Variants in CASP6 observed in about 807,000 individuals in gnomAD.
CASP6 encodes caspase-6.
Under a neutral mutation model 31.8 loss-of-function variants are expected in CASP6, and 20 were observed. The observed-to-expected ratio is 0.63, with a 90% CI of 0.44 to 0.91. The LOEUF is 0.91. CASP6 is among the 40% of genes least tolerant of loss of function. The probability of loss-of-function intolerance (pLI) is 0.00; values close to 1 mark genes in which losing one functional copy is unlikely to be tolerated. For synonymous variants in CASP6, 130 were observed against 127.8 expected, an observed-to-expected ratio of 1.02 and a Z score of -0.12; for missense variants, 328 against 361.1, an observed-to-expected ratio of 0.91 and a Z score of 0.74.
At chr4:109,686,555 A>G (rs1253174585), downstream of CASP6, among the ~76,000 whole-genome samples, 1 of 152,246 alleles carries the variant, frequency 6.6e-6, no homozygotes, top group Non-Finnish European at 1.5e-5. Context: ...TGAGAAGGCT[A>G]AGGAATGTTC....
At chr4:109,698,641 C>A (rs749311011) in intron 1 of CASP6, among the ~76,000 whole-genome samples, 1 of 152,194 alleles carries the variant, frequency 6.6e-6, no homozygotes, top group Admixed American at 6.5e-5. Flanking sequence ...AGTAACAGTT[C>A]TGTGATTACG....
chr4:109,689,356 G>A lies in CASP6; in HGVS notation c.856C>T (p.Leu286=), dbSNP rs202172975. 5.6e-6 allele frequency: 9 copies of A among 1,614,076 alleles called. No homozygotes were observed. The highest frequency in any genetic ancestry group is 7.6e-6 in the Non-Finnish European group (9 of 1,179,952). Residue 286 remains leucine (L), a synonymous_variant, in exon 7 of 7, where the codon CTG becomes TTG. Transcript: ENST00000265164. ...PCFASMLTKK[L]HFFPKSN is the part of the protein sequence containing the mutation. ...TAATTAGATTTTGGAAAGAAATGCA[G>A]CTTTTTAGTTAGCATTGAGGCAAAA...
At chr4:109,704,986 T>A (rs1730553191), upstream of CASP6, among the ~76,000 whole-genome samples, 1 of 152,226 alleles carries the variant, frequency 6.6e-6, no homozygotes, top group Admixed American at 6.5e-5. Context: ...ATTACAGGTG[T>A]GAGCCACCGT....
At chr4:109,677,865 AGGG>A in the CASP6 span, among the ~76,000 whole-genome samples, 1 of 112,088 alleles carries the variant, frequency 8.9e-6, no homozygotes, top group Non-Finnish European at 1.7e-5. Flanking sequence ...TTTCTCGGAG[AGGG>A]GGATGTGGCA....
At chr4:109,684,191 T>C (rs1468192949), downstream of CASP6, among the ~76,000 whole-genome samples, 1 of 151,626 alleles carries the variant, frequency 6.6e-6, no homozygotes, top group Admixed American at 6.6e-5. Context: ...GCCTCCTGAG[T>C]ATCTGGGACT....
the CASP6 span, among the ~76,000 whole-genome samples, chr4:109,677,140 T>C: frequency 1.3e-5 from 2 of 152,234 alleles, no homozygotes; most frequent in Non-Finnish European, 1.5e-5. Flanking sequence ...TTCTGAAGTT[T>C]TAAGATTTAA....
At chr4:109,682,021 A>G in the CASP6 span, among the ~76,000 whole-genome samples, 1 of 152,216 alleles carries the variant, frequency 6.6e-6, no homozygotes, top group Admixed American at 6.5e-5. Context: ...GCAATAGATG[A>G]TCGGCTATTT....
upstream of CASP6, among the ~76,000 whole-genome samples, chr4:109,707,883 T>G (rs1730651596): frequency 6.6e-6 from 1 of 152,190 alleles, no homozygotes; most frequent in African/African-American, 2.4e-5. Context: ...ATTTAGCTCC[T>G]CCTTGGGTGG....
At chr4:109,675,718 G>A in the CASP6 span, among the ~76,000 whole-genome samples, 1 of 152,198 alleles carries the variant, frequency 6.6e-6, no homozygotes, top group African/African-American at 2.4e-5. Context: ...TGGGGGCACT[G>A]CCCTAATGAA....
chr4:109,669,810 C>T, the CASP6 span, among the ~76,000 whole-genome samples: 1 of 152,004 alleles, frequency 6.6e-6, no homozygotes, highest in Admixed American at 6.5e-5. Flanking sequence ...TACTAACAAG[C>T]CCATTAAAGG....
the CASP6 span, among the ~76,000 whole-genome samples, chr4:109,674,531 G>A: frequency 5.3e-5 from 8 of 152,178 alleles, no homozygotes; most frequent in Non-Finnish European, 1.2e-4. Flanking sequence ...TTTTGTCTGC[G>A]TGTTTTGTGG....
chr4:109,671,019 C>T, the CASP6 span, among the ~76,000 whole-genome samples: 1 of 152,194 alleles, frequency 6.6e-6, no homozygotes, highest in Non-Finnish European at 1.5e-5. Flanking sequence ...GTCTCTGCTT[C>T]GCTAAGTTGT....
chr4:109,706,131 T>TTATATA (rs58847180), upstream of CASP6, among the ~76,000 whole-genome samples: 1,575 of 35,612 alleles, frequency 0.044, 29 homozygotes, highest in Non-Finnish European at 0.057. Context: ...CCTATCCATT[T>TTATATA]TATATATATA....
upstream of CASP6, among the ~76,000 whole-genome samples, chr4:109,706,164 T>TACACAC (rs1439890292): frequency 3.3e-5 from 3 of 90,644 alleles, no homozygotes; most frequent in East Asian, 5.8e-4. Flanking sequence ...TATATATATA[T>TACACAC]ATATATACAC....
chr4:109,683,101 T>C, the CASP6 span: 1 of 157,482 alleles, frequency 6.3e-6, no homozygotes, highest in Non-Finnish European at 1.4e-5. Context: ...CCCTTTCCTT[T>C]TTAGAGAATA....
chr4:109,686,517 G>A (rs1288290714), downstream of CASP6, among the ~76,000 whole-genome samples: 1 of 152,162 alleles, frequency 6.6e-6, no homozygotes, highest in Non-Finnish European at 1.5e-5. Context: ...AAAATTTGTG[G>A]ATTCCCTTAT....
downstream of CASP6, chr4:109,688,235 A>AAGAAAG (rs1375868889): frequency 3.9e-5 from 6 of 152,290 alleles, no homozygotes; most frequent in African/African-American, 1.2e-4. Context: ...CTGGCAGATT[A>AAGAAAG]TTAACAAAAC....
At chr4:109,667,673 T>C in the CASP6 span, among the ~76,000 whole-genome samples, 3 of 150,462 alleles carry the variant, frequency 2.0e-5, no homozygotes, top group Non-Finnish European at 4.4e-5. Context: ...CTACTATATT[T>C]ATTATCTCTT....
In CASP6 at chr4:109,697,824, C is replaced by T. The variant is rs761149820; in HGVS notation, c.84-56G>A. On this transcript the variant is annotated intron_variant, in intron 2 of 6. Transcript: ENST00000265164. ...TCAAGTCATATTAAATAATGAGCCC[C>T]TCCAAGTTCTAGGTCAACATGTAGA... 99 of 1,572,268 alleles carry T rather than the reference C, an allele frequency of 6.3e-5. 1 individual carries two copies. The highest frequency in any genetic ancestry group is 8.2e-5 in the Non-Finnish European group (95 of 1,157,982).
Sources: gnomAD v4.1 joint callset for allele counts (sites outside exome capture counted in the v4.1 genomes callset) on GRCh38, gnomAD v4.1.1 for gene constraint, MANE v1.5 for transcripts, NCBI Gene and HGNC (gene_info 2026-07-23, HGNC 2026-07-21) for gene names.